Variants in ODAD2 observed in about 807,000 individuals in gnomAD.
ODAD2 encodes outer dynein arm docking complex subunit 2.
In ODAD2, 89 loss-of-function variants were observed where a neutral mutation model predicts 106.8. The ratio of observed to expected loss-of-function variants is 0.83; its 90% CI spans 0.70 to 0.99. The LOEUF (loss-of-function observed/expected upper bound fraction) is 0.99. ODAD2 is among the 50% of genes least tolerant of loss of function. The probability of loss-of-function intolerance (pLI) is 0.00; values close to 1 mark genes in which losing one functional copy is unlikely to be tolerated. For missense variants in ODAD2, 1,168 were observed against 1,238.5 expected (o/e 0.94, Z 0.85); for synonymous variants, 404 against 436.2 (o/e 0.93, Z 0.92).
At position 27,995,145 on chromosome 10, in the gene ODAD2, G is replaced by A. The variant is rs1850482494; in HGVS notation, c.-3C>T. The A allele has an allele frequency of 3.1e-6, 5 of 1,613,948 alleles. No individual in the cohort carries two copies. Among genetic ancestry groups the A allele is most frequent in the Admixed American group, 1.7e-5 (1 of 59,976 alleles). Reference sequence around the variant, plus strand: ...AATTTCCTCAGAGCCACACCCATGGGATCCACCGTGCTCAGACCTGAGCTT... The same window carrying A: ...AATTTCCTCAGAGCCACACCCATGGAATCCACCGTGCTCAGACCTGAGCTT... On this transcript the variant is annotated 5_prime_UTR_variant, in exon 2 of 20. Coordinates refer to ENST00000305242, the MANE Select transcript of ODAD2 (RefSeq NM_018076.5).
At chr10:27,994,103 ATG>A (rs1850403171) in intron 2 of ODAD2, among the ~76,000 whole-genome samples, 2 of 151,786 alleles carry the variant, frequency 1.3e-5, no homozygotes, top group East Asian at 1.9e-4. Flanking sequence ...ATTTATGCGT[ATG>A]TGTGTGTATA....
intron 19 of ODAD2, among the ~76,000 whole-genome samples, chr10:27,844,725 C>A (rs1404491306): frequency 6.6e-6 from 1 of 152,166 alleles, no homozygotes; most frequent in Admixed American, 6.5e-5. Context: ...GTCTGGCACA[C>A]AGGAAGCTGA....
chr10:27,812,513 C>T lies in ODAD2; in HGVS notation c.3134G>A (p.Ter1045=), dbSNP rs926736331. ...TAGCTTGTAATGTCCATTTAAATTT[C>T]AAGTGTATCTTGCCTTCTCTGTAGC... ...ALATEKARYT[*] The change falls in exon 20 of 20, where the codon TGA becomes TAA. Residue 1045 remains the stop codon, a stop_retained_variant. Transcript: ENST00000305242. The T allele has an allele frequency of 6.2e-7, 1 of 1,612,810 alleles. No individual in the cohort carries two copies. Among genetic ancestry groups the T allele is most frequent in the Admixed American group, 1.7e-5 (1 of 59,622 alleles).
intron 12 of ODAD2, 112 bp from the exon 13 acceptor site, chr10:27,940,917 T>C: frequency 2.5e-6 from 3 of 1,185,358 alleles, no homozygotes; most frequent in Non-Finnish European, 3.5e-6. Flanking sequence ...AAAACAAGAA[T>C]GCTTTAAAAA....
At chr10:27,927,207 A>G (rs1564512741) in intron 16 of ODAD2, among the ~76,000 whole-genome samples, 1 of 152,132 alleles carries the variant, frequency 6.6e-6, no homozygotes, top group Non-Finnish European at 1.5e-5. Flanking sequence ...GAAACATATA[A>G]AGGAAGAGAG....
chr10:27,856,726 A>G (rs1156640981), intron 19 of ODAD2, among the ~76,000 whole-genome samples: 1 of 152,084 alleles, frequency 6.6e-6, no homozygotes, highest in African/African-American at 2.4e-5. Context: ...ACTTGGGTAC[A>G]AAGGCCGAGG....
intron 2 of ODAD2, among the ~76,000 whole-genome samples, chr10:27,993,185 G>C (rs1260354053): frequency 1.3e-5 from 2 of 152,044 alleles, no homozygotes; most frequent in Non-Finnish European, 2.9e-5. Flanking sequence ...AAAACGTTGG[G>C]ATTACAGGTG....
chr10:27,812,209 C>A lies in ODAD2; in HGVS notation c.*303G>T. 3.3e-6 allele frequency: 1 copy of A among 304,906 alleles called. No homozygotes were observed. Among genetic ancestry groups the A allele is most frequent in the Non-Finnish European group, 5.9e-6 (1 of 168,346 alleles). The allele number at this position is 304,906 out of a possible 1,614,324, so 18.9% of individuals were successfully genotyped here. On this transcript the variant is annotated 3_prime_UTR_variant, in exon 20 of 20. Transcript: ENST00000305242. The stretch of plus-strand genomic sequence containing the variant: ...CTTTTTATTAAAATCGCCACAAATA[C>A]AAAAGCATCACTGAACTAAAAATAC...
At chr10:27,979,788 T>C (rs920968410) in intron 7 of ODAD2, among the ~76,000 whole-genome samples, 1 of 152,184 alleles carries the variant, frequency 6.6e-6, no homozygotes, top group Non-Finnish European at 1.5e-5. Context: ...GGCAATACTA[T>C]GTAAAGCAAT....
chr10:27,829,753 A>G (rs1441360741), intron 19 of ODAD2, among the ~76,000 whole-genome samples: 1 of 152,164 alleles, frequency 6.6e-6, no homozygotes, highest in Non-Finnish European at 1.5e-5. Context: ...TTTCAATTTC[A>G]TCTATATAAG....
intron 16 of ODAD2, among the ~76,000 whole-genome samples, chr10:27,908,007 G>C (rs1051680260): frequency 2.6e-5 from 4 of 151,852 alleles, no homozygotes; most frequent in Admixed American, 2.6e-4. Context: ...TGATGATTAC[G>C]ATTCACATAA....
At chr10:27,871,654 T>A (rs1191924838) in intron 17 of ODAD2, among the ~76,000 whole-genome samples, 2 of 152,192 alleles carry the variant, frequency 1.3e-5, no homozygotes, top group Admixed American at 6.5e-5. Flanking sequence ...TTGTCAAAGA[T>A]CAGATGGTTG....
chr10:27,837,730 C>A (rs770099876), intron 19 of ODAD2, among the ~76,000 whole-genome samples: 28 of 152,028 alleles, frequency 1.8e-4, no homozygotes, highest in Non-Finnish European at 2.9e-4. Flanking sequence ...CATGGGTAAA[C>A]AAAGACGTAG....
At chr10:27,908,129 A>C (rs548034193) in intron 16 of ODAD2, among the ~76,000 whole-genome samples, 126 of 152,240 alleles carry the variant, frequency 8.3e-4, no homozygotes, top group African/African-American at 3.0e-3. Flanking sequence ...TCCAAAACAA[A>C]TATTTATGCC....
chr10:27,959,082 A>G lies in ODAD2; in HGVS notation c.1386+2486T>C. 3 of 1,151,668 alleles carry G rather than the reference A, an allele frequency of 2.6e-6. No individual in the cohort carries two copies. In the South Asian group the frequency reaches 4.4e-5, roughly 17 times the overall value. 71.3% of individuals were successfully genotyped at this position (1,151,668 alleles called of 1,614,324 possible). ...ACGGGCTTAGAGGCTCATGCCTGTA[A>G]TCCCAGCACTTTGGGAGGCCAATGT... is the stretch of plus-strand genomic sequence containing the variant. On this transcript the variant is annotated intron_variant, in intron 10 of 19. Transcript: ENST00000305242.
At chr10:27,859,707 C>T (rs1839908584) in intron 19 of ODAD2, among the ~76,000 whole-genome samples, 1 of 152,190 alleles carries the variant, frequency 6.6e-6, no homozygotes, top group Non-Finnish European at 1.5e-5. Context: ...TTTCCTAATA[C>T]ATGTGAGCTG....
intron 19 of ODAD2, among the ~76,000 whole-genome samples, chr10:27,858,803 ATT>A (rs9299592): frequency 3.9e-5 from 5 of 128,744 alleles, no homozygotes; most frequent in African/African-American, 1.5e-4. Flanking sequence ...ACCTTAGTAC[ATT>A]TTTTTTTTTT....
intron 10 of ODAD2, chr10:27,957,693 T>C (rs540500147): frequency 6.6e-6 from 1 of 152,342 alleles, no homozygotes; most frequent in South Asian, 2.1e-4. Flanking sequence ...TTTATACATA[T>C]ATAAAACTTG....
Position 27,951,057 on chromosome 10 carries a change from T to C in ODAD2, c.1387-6095A>G, listed in dbSNP as rs145859863. Among the ~76,000 whole-genome samples, 262 of 152,216 alleles carry C rather than the reference T, an allele frequency of 1.7e-3. 1 individual carries two copies. Among genetic ancestry groups the C allele is most frequent in the African/African-American group, 5.9e-3 (245 of 41,538 alleles). On this transcript the variant is annotated intron_variant, in intron 10 of 19. Coordinates refer to ENST00000305242, the MANE Select transcript of ODAD2 (RefSeq NM_018076.5). ...TAAAAATATCTATGACTAAATCTCA[T>C]AGGAAATGTTTTAGATACACATGGA...
Sources: gnomAD v4.1 joint callset for allele counts (sites outside exome capture counted in the v4.1 genomes callset) on GRCh38, gnomAD v4.1.1 for gene constraint, MANE v1.5 for transcripts, NCBI Gene and HGNC (gene_info 2026-07-23, HGNC 2026-07-21) for gene names.